The following AGPAT5 variants were observed in gnomAD, a reference collection of about 807,000 sequenced individuals.
The protein encoded by AGPAT5 is 1-acyl-sn-glycerol-3-phosphate acyltransferase epsilon.
Under a neutral mutation model 45.6 loss-of-function variants are expected in AGPAT5, and 46 were observed. That is an observed-to-expected ratio of 1.01 (90% CI 0.80 to 1.29). The LOEUF (loss-of-function observed/expected upper bound fraction) is 1.29, where lower values mean the gene tolerates loss of function less well. Ranked by LOEUF, AGPAT5 falls within the 50% of genes most tolerant of loss-of-function variation. AGPAT5 has a pLI of 0.00. For missense variants in AGPAT5, 673 were observed against 450.7 expected (o/e 1.49, Z -4.47); for synonymous variants, 272 against 167.0 (o/e 1.63, Z -4.85).
chr8:6,729,914 T>C (rs932860150), intron 2 of AGPAT5, among the ~76,000 whole-genome samples: 2 of 152,214 alleles, frequency 1.3e-5, no homozygotes, highest in African/African-American at 4.8e-5. Context: ...CCCAGCATCA[T>C]TGTAAGGCAT....
In AGPAT5 at chr8:6,759,220, A is replaced by G. The variant is rs376664749; in HGVS notation, c.*1832A>G. 6.6e-6 allele frequency: 1 copy of G among 152,244 alleles called. No individual in the cohort carries two copies. Among genetic ancestry groups the G allele is most frequent in the Non-Finnish European group, 1.5e-5 (1 of 68,044 alleles). The allele number at this position is 152,244 out of a possible 1,614,324, so 9.4% of individuals were successfully genotyped here. ...TACAGGGATTTAATATATTTTGAAT[A>G]TAATGGGTATGTTCTAAATTTGAAC... is the stretch of plus-strand genomic sequence containing the variant. On this transcript the variant is annotated 3_prime_UTR_variant, in exon 8 of 8. Coordinates refer to ENST00000285518, the MANE Select transcript of AGPAT5 (RefSeq NM_018361.5).
At chr8:6,731,662 A>T (rs1227431508) in intron 3 of AGPAT5, among the ~76,000 whole-genome samples, 2 of 152,178 alleles carry the variant, frequency 1.3e-5, no homozygotes, top group Admixed American at 6.5e-5. Context: ...CAAAGTTCAA[A>T]CAAATAGGAA....
At position 6,760,167 on chromosome 8, in the gene AGPAT5, T is replaced by A. The variant is rs1051787379; in HGVS notation, c.*2779T>A. Among the ~76,000 whole-genome samples, 9 of 152,064 alleles carry A rather than the reference T, an allele frequency of 5.9e-5. No homozygotes were observed. Among genetic ancestry groups the A allele is most frequent in the Non-Finnish European group, 1.0e-4 (7 of 68,020 alleles). On this transcript the variant is annotated 3_prime_UTR_variant, in exon 8 of 8. Coordinates refer to ENST00000285518, the MANE Select transcript of AGPAT5 (RefSeq NM_018361.5). ...GTGATCTAACTAGACTGATCATAGA[T>A]AGAAGGAAATAAGGCCAAGTTCAAG...
At chr8:6,756,511 A>C (rs1801839644) in intron 7 of AGPAT5, among the ~76,000 whole-genome samples, 1 of 151,714 alleles carries the variant, frequency 6.6e-6, no homozygotes, top group South Asian at 2.1e-4. Flanking sequence ...CCAGCTACTC[A>C]GGAGGCCGAG....
intron 1 of AGPAT5, among the ~76,000 whole-genome samples, chr8:6,711,366 T>G (rs1386723882): frequency 1.3e-5 from 2 of 152,252 alleles, no homozygotes; most frequent in African/African-American, 4.8e-5. Flanking sequence ...GAGAAATATT[T>G]CAGTCAGTGC....
At chr8:6,723,647 G>A (rs138321743) in intron 1 of AGPAT5, among the ~76,000 whole-genome samples, 155 of 152,294 alleles carry the variant, frequency 1.0e-3, no homozygotes, top group African/African-American at 3.5e-3. Context: ...CAAGCTATTG[G>A]TATTACTCAT....
chr8:6,731,988 G>C (rs766920157), intron 3 of AGPAT5, among the ~76,000 whole-genome samples: 1 of 152,172 alleles, frequency 6.6e-6, no homozygotes, highest in East Asian at 1.9e-4. Context: ...TACAGAGACT[G>C]CTAAGGTCCC....
rs3811118 is a variant in AGPAT5, at chr8:6,758,550, A to G, written c.*1162A>G. Reference sequence around the variant, plus strand: ...GAGTGGGCTTCACCAGCTACTGCAGAGGCATTTTGCATTTGTCTGTGTCAA... The same window carrying G: ...GAGTGGGCTTCACCAGCTACTGCAGGGGCATTTTGCATTTGTCTGTGTCAA... On this transcript the variant is annotated 3_prime_UTR_variant, in exon 8 of 8. Transcript: ENST00000285518. 5,570 of 152,396 alleles carry G rather than the reference A, an allele frequency of 0.037. 239 individuals are homozygous for G. The highest frequency in any genetic ancestry group is 0.1 in the African/African-American group (4,179 of 41,530). 9.4% of individuals were successfully genotyped at this position (152,396 alleles called of 1,614,324 possible).
rs530286682 is a variant in AGPAT5, at chr8:6,760,645, T to A, written c.*3257T>A. 1.3e-5 allele frequency among the ~76,000 whole-genome samples: 2 copies of A among 152,354 alleles called. No homozygotes were observed. Among genetic ancestry groups the A allele is most frequent in the South Asian group, 4.1e-4 (2 of 4,828 alleles). ...TTCCGTATCTGGTGGAAAGCTACAA[T>A]GCAATGTCGTTGTAGTTTTGCATGG... On this transcript the variant is annotated 3_prime_UTR_variant, in exon 8 of 8. Transcript: ENST00000285518.
At chr8:6,725,908 G>C (rs1049790218) in intron 2 of AGPAT5, among the ~76,000 whole-genome samples, 3 of 151,988 alleles carry the variant, frequency 2.0e-5, no homozygotes, top group Non-Finnish European at 2.9e-5. Context: ...TCATGATTTT[G>C]TGGTTTTTAT....
At chr8:6,743,977 C>T (rs1234597257) in intron 5 of AGPAT5, among the ~76,000 whole-genome samples, 1 of 151,908 alleles carries the variant, frequency 6.6e-6, no homozygotes, top group Non-Finnish European at 1.5e-5. Flanking sequence ...AACAGGAGAA[C>T]AAAGGGAATA....
chr8:6,710,771 C>G (rs1268352554), intron 1 of AGPAT5, among the ~76,000 whole-genome samples: 1 of 152,126 alleles, frequency 6.6e-6, no homozygotes, highest in Non-Finnish European at 1.5e-5. Context: ...TAGCTATCTT[C>G]AAACATAAGA....
chr8:6,731,533 T>C (rs1481275588), intron 3 of AGPAT5, among the ~76,000 whole-genome samples: 2 of 152,150 alleles, frequency 1.3e-5, no homozygotes, highest in Admixed American at 1.3e-4. Flanking sequence ...TGTTATATTA[T>C]TTTTAATTTT....
Position 6,741,764 on chromosome 8 carries a change from T to C in AGPAT5, c.586+13T>C. The stretch of plus-strand genomic sequence containing the variant: ...GCTGCCCAACGTGGTAAGTAAAAAT[T>C]TGAGTGTTTGAACAAATAATTTTCA... On this transcript the variant is annotated intron_variant, in intron 5 of 7. Transcript: ENST00000285518. 6.3e-7 allele frequency: 1 copy of C among 1,576,064 alleles called. No individual in the cohort carries two copies. The highest frequency in any genetic ancestry group is 8.7e-7 in the Non-Finnish European group (1 of 1,152,478).
At chr8:6,726,495 G>A (rs1220306097) in intron 2 of AGPAT5, among the ~76,000 whole-genome samples, 2 of 152,026 alleles carry the variant, frequency 1.3e-5, no homozygotes, top group Admixed American at 6.5e-5. Context: ...CTTGTGGAGT[G>A]GGTTCTCTGA....
chr8:6,723,482 A>G (rs1274760014), intron 1 of AGPAT5, among the ~76,000 whole-genome samples: 1 of 152,042 alleles, frequency 6.6e-6, no homozygotes, highest in Non-Finnish European at 1.5e-5. Flanking sequence ...AGCCTCCCCA[A>G]AGCACTGGGA....
chr8:6,721,686 T>G (rs1800506825), intron 1 of AGPAT5, among the ~76,000 whole-genome samples: 1 of 152,174 alleles, frequency 6.6e-6, no homozygotes, highest in African/African-American at 2.4e-5. Context: ...AACCTACCTC[T>G]TAGTGGCTCT....
At chr8:6,711,446 C>G (rs1261764031) in intron 1 of AGPAT5, among the ~76,000 whole-genome samples, 12 of 152,320 alleles carry the variant, frequency 7.9e-5, no homozygotes, top group African/African-American at 1.2e-4. Flanking sequence ...GGTACTGAAA[C>G]TCAAATGGGT....
At chr8:6,733,884 G>A (rs1454668304) in intron 4 of AGPAT5, among the ~76,000 whole-genome samples, 1 of 152,158 alleles carries the variant, frequency 6.6e-6, no homozygotes, top group Non-Finnish European at 1.5e-5. Flanking sequence ...GGTGATGTTG[G>A]CATCCTATGC....
Sources: allele counts gnomAD v4.1 joint callset (sites outside exome capture counted in the v4.1 genomes callset), GRCh38; gene constraint gnomAD v4.1.1; transcripts MANE v1.5; gene names NCBI Gene and HGNC (gene_info 2026-07-23, HGNC 2026-07-21).